ZNF148: variants seen among roughly 807,000 people sequenced by gnomAD.
ZNF148 encodes the protein zinc finger protein 148, also known as Beta-Enolase Repressor Factor-1.
Under a neutral mutation model 67.7 loss-of-function variants are expected in ZNF148, and 7 were observed. That is an observed-to-expected ratio of 0.10 (90% CI 0.06 to 0.19). The LOEUF (loss-of-function observed/expected upper bound fraction) is 0.19, where lower values mean the gene tolerates loss of function less well. ZNF148 is among the 10% of genes least tolerant of loss of function. The pLI is 1.00. For synonymous variants in ZNF148, 333 were observed against 330.7 expected (o/e 1.01, Z -0.08); for missense variants, 583 against 947.1 (o/e 0.62, Z 5.05).
intron 4 of ZNF148, among the ~76,000 whole-genome samples, chr3:125,309,522 G>C (rs1579766827): frequency 6.6e-6 from 1 of 152,052 alleles, no homozygotes. Context: ...AAAACCCATA[G>C]TGGACCTAGG....
chr3:125,306,845 C>A (rs142258196), intron 4 of ZNF148, among the ~76,000 whole-genome samples: 1 of 152,140 alleles, frequency 6.6e-6, no homozygotes, highest in Admixed American at 6.5e-5. Flanking sequence ...CCAGCCTGGG[C>A]AACAGAGCAA....
intron 4 of ZNF148, among the ~76,000 whole-genome samples, chr3:125,292,292 T>C (rs781287301): frequency 2.6e-5 from 4 of 152,194 alleles, no homozygotes; most frequent in Admixed American, 2.6e-4. Context: ...AGTCCACAGC[T>C]ATCCTTTGAT....
At chr3:125,270,243 A>G (rs1161983715) in intron 7 of ZNF148, among the ~76,000 whole-genome samples, 1 of 152,136 alleles carries the variant, frequency 6.6e-6, no homozygotes, top group East Asian at 1.9e-4. Flanking sequence ...ACAGTGGCTC[A>G]GGCCTATAAT....
chr3:125,364,335 G>A (rs1942637262), intron 1 of ZNF148, among the ~76,000 whole-genome samples: 1 of 152,130 alleles, frequency 6.6e-6, no homozygotes, highest in African/African-American at 2.4e-5. Context: ...GAAGGCGGAG[G>A]TTGCAGTGAG....
intron 1 of ZNF148, among the ~76,000 whole-genome samples, chr3:125,338,635 G>C (rs1469241034): frequency 8.7e-6 from 1 of 114,402 alleles, no homozygotes; most frequent in Admixed American, 1.1e-4. Flanking sequence ...ACTCCAGACT[G>C]AGTGACAGAG....
intron 7 of ZNF148, among the ~76,000 whole-genome samples, chr3:125,245,176 G>A (rs1936539424): frequency 6.6e-6 from 1 of 152,034 alleles, no homozygotes; most frequent in Admixed American, 6.6e-5. Context: ...ACTGTGACAT[G>A]GTTTGGCTCT....
At position 125,233,799 on chromosome 3, in the gene ZNF148, G is replaced by C; in HGVS notation, c.927C>G (p.Asp309Glu). 1 of 1,613,712 alleles carries C rather than the reference G, an allele frequency of 6.2e-7. No individual in the cohort carries two copies. The highest frequency in any genetic ancestry group is 8.5e-7 in the Non-Finnish European group (1 of 1,179,876). ...EDSGFSTSPK[D>E]NSLPKKKRQK... ...GCCTTTTCTTTTTTGGCAGTGAGTT[G>C]TCTTTTGGTGATGTAGAAAAGCCAG... The change falls in exon 9 of 9, where the codon GAC (aspartate) becomes GAG (glutamate). Residue 309 changes from aspartate (D) to glutamate (E), a missense_variant. This residue lies in a region of ZNF148 where 78 missense variants were observed against 86.5 expected (regional missense o/e 0.90). Coordinates refer to ENST00000360647, the MANE Select transcript of ZNF148 (RefSeq NM_021964.3). The surrounding 1 kb of genome is among the most constrained non-coding windows in gnomAD (Gnocchi z 5.1).
At chr3:125,344,313 G>T in intron 1 of ZNF148, 1 of 508,276 alleles carries the variant, frequency 2.0e-6, no homozygotes, top group Non-Finnish European at 3.6e-6. Flanking sequence ...CTAGTGACCT[G>T]AATGAAACAA....
At chr3:125,260,107 T>G (rs1273779780) in intron 7 of ZNF148, among the ~76,000 whole-genome samples, 1 of 152,114 alleles carries the variant, frequency 6.6e-6, no homozygotes, top group Non-Finnish European at 1.5e-5. Flanking sequence ...TGGGTGCAGT[T>G]TGTGGTGCCC....
intron 1 of ZNF148, among the ~76,000 whole-genome samples, chr3:125,364,729 A>G (rs969043456): frequency 6.6e-6 from 1 of 152,224 alleles, no homozygotes; most frequent in Non-Finnish European, 1.5e-5. Flanking sequence ...TGTCCTGTAT[A>G]TTGAACTGGG....
chr3:125,312,715 G>A (rs1333562455), intron 4 of ZNF148, among the ~76,000 whole-genome samples: 1 of 152,126 alleles, frequency 6.6e-6, no homozygotes, highest in Non-Finnish European at 1.5e-5. Flanking sequence ...GAAGAGACAA[G>A]AATTTACATG....
At chr3:125,234,002 G>A in intron 8 of ZNF148, 63 bp from the exon 9 acceptor site, 2 of 1,511,724 alleles carry the variant, frequency 1.3e-6, no homozygotes, top group South Asian at 1.4e-5. Context: ...AAAAGAAAAA[G>A]TGAAACAAAA....
chr3:125,230,103 C>T lies in ZNF148; in HGVS notation c.*2238G>A, dbSNP rs2107823507. 1 of 152,556 alleles carries T rather than the reference C, an allele frequency of 6.6e-6. No homozygotes were observed. Among genetic ancestry groups the T allele is most frequent in the South Asian group, 2.1e-4 (1 of 4,820 alleles). 9.5% of individuals were successfully genotyped at this position (152,556 alleles called of 1,614,324 possible). On this transcript the variant is annotated 3_prime_UTR_variant, in exon 9 of 9. Coordinates refer to ENST00000360647, the MANE Select transcript of ZNF148 (RefSeq NM_021964.3). ...TTCCTTCCCAAGCTCACCCTAAATG[C>T]TCAGCAAGAGTCACATTCTAAAAAC...
intron 6 of ZNF148, 71 bp downstream of exon 6, chr3:125,279,053 G>A: frequency 6.9e-7 from 1 of 1,445,700 alleles, no homozygotes. Flanking sequence ...ATGAATGACA[G>A]TTACACGAAG....
Position 125,232,371 on chromosome 3 carries a change from A to G in ZNF148, c.2355T>C (p.Pro785=), listed in dbSNP as rs1179395415. ...CAAAAGTCTGGCCAGTTGTGGCATC[A>G]GGTGAAGATGTCATCCCAGCTCTAT... is the stretch of plus-strand genomic sequence containing the variant. ...NDNRAGMTSS[P]DATTGQTFG Residue 785 remains proline (P), a synonymous_variant, in exon 9 of 9, where the codon CCT becomes CCC. Coordinates refer to ENST00000360647, the MANE Select transcript of ZNF148 (RefSeq NM_021964.3). The surrounding 1 kb of genome is among the most constrained non-coding windows in gnomAD (Gnocchi z 4.2). 6.2e-7 allele frequency: 1 copy of G among 1,601,088 alleles called. No individual in the cohort carries two copies. The highest frequency in any genetic ancestry group is 8.5e-7 in the Non-Finnish European group (1 of 1,170,744).
intron 1 of ZNF148, among the ~76,000 whole-genome samples, chr3:125,343,574 C>T (rs902686678): frequency 6.6e-6 from 1 of 151,700 alleles, no homozygotes; most frequent in Non-Finnish European, 1.5e-5. Context: ...TAAAACGCAC[C>T]AATCAGCAGA....
chr3:125,242,847 T>C (rs895262830), intron 7 of ZNF148, among the ~76,000 whole-genome samples: 4 of 152,248 alleles, frequency 2.6e-5, no homozygotes, highest in Non-Finnish European at 5.9e-5. Flanking sequence ...GGTCTATCCC[T>C]AGACCTGCTC....
chr3:125,282,930 A>G (rs566019062), intron 5 of ZNF148, among the ~76,000 whole-genome samples: 10 of 152,156 alleles, frequency 6.6e-5, no homozygotes, highest in Admixed American at 3.3e-4. Flanking sequence ...TACTACTAAA[A>G]TTATTAAAGC....
chr3:125,275,290 A>T (rs1347950261), intron 7 of ZNF148, among the ~76,000 whole-genome samples: 1 of 152,158 alleles, frequency 6.6e-6, no homozygotes, highest in Admixed American at 6.5e-5. Context: ...CTTCTTCTAC[A>T]CTGTTCTCTC....
Sources: allele counts gnomAD v4.1 joint callset (sites outside exome capture counted in the v4.1 genomes callset), GRCh38; gene constraint gnomAD v4.1.1; regional missense constraint gnomAD v4.1.1; non-coding constraint Gnocchi (gnomAD v3.1); transcripts MANE v1.5; gene names NCBI Gene and HGNC (gene_info 2026-07-23, HGNC 2026-07-21).